Variants in SLC39A8 observed in about 807,000 individuals in gnomAD.
SLC39A8 encodes metal cation symporter ZIP8.
SLC39A8 carries 15 observed loss-of-function variants against 40.4 expected under a neutral mutation model. That is an observed-to-expected ratio of 0.37 (90% confidence interval 0.25 to 0.57). The LOEUF (loss-of-function observed/expected upper bound fraction) is 0.57, where lower values mean the gene tolerates loss of function less well. SLC39A8 is among the 20% of genes least tolerant of loss of function. The pLI, the probability that SLC39A8 is intolerant of heterozygous loss-of-function variation, is 0.75. For missense variants in SLC39A8, 472 were observed against 558.8 expected, an observed-to-expected ratio of 0.84 and a Z score of 1.57; for synonymous variants, 223 against 221.6, an observed-to-expected ratio of 1.01 and a Z score of -0.06.
In SLC39A8 at chr4:102,262,805, G is replaced by T; in HGVS notation, c.*239C>A. The T allele has an allele frequency of 1.6e-6, 2 of 1,248,316 alleles. No individual in the cohort carries two copies. Among genetic ancestry groups the T allele is most frequent in the South Asian group, 2.5e-5 (1 of 40,174 alleles). The allele number at this position is 1,248,316 out of a possible 1,614,324, so 77.3% of individuals were successfully genotyped here. On this transcript the variant is annotated 3_prime_UTR_variant, in exon 9 of 9. Coordinates refer to ENST00000356736, the MANE Select transcript of SLC39A8 (RefSeq NM_001135146.2). Reference sequence around the variant, plus strand: ...ATATGCATGGAATACTGAAAAATAGGTATTTCCCAAAGGCTCCTATATACC... The same window carrying T: ...ATATGCATGGAATACTGAAAAATAGTTATTTCCCAAAGGCTCCTATATACC...
At chr4:102,307,391 C>A in intron 4 of SLC39A8, 45 bp downstream of exon 4, 1 of 1,597,464 alleles carries the variant, frequency 6.3e-7, no homozygotes, top group South Asian at 1.1e-5. Flanking sequence ...CTAAAACGTT[C>A]AAAAGAAACA....
In SLC39A8 at chr4:102,344,601, A is replaced by C. The variant is rs2149060330; in HGVS notation, c.62T>G (p.Val21Gly). 6.5e-7 allele frequency: 1 copy of C among 1,541,768 alleles called. No homozygotes were observed. The highest frequency in any genetic ancestry group is 8.7e-7 in the Non-Finnish European group (1 of 1,144,124). Reference sequence around the variant, plus strand: ...GAAGGCTAGCCCTGGCCCCTCCGCCACTCCTCCGAGGCCGGCGGCCGCCAG... The same window carrying C: ...GAAGGCTAGCCCTGGCCCCTCCGCCCCTCCTCCGAGGCCGGCGGCCGCCAG... Reference protein sequence around the residue: ...LLLAAAGLGGVAEGPGLAFSE... With the variant: ...LLLAAAGLGGGAEGPGLAFSE... The change falls in exon 2 of 9, where the codon GTG (valine) becomes GGG (glycine). Residue 21 changes from valine to glycine, a missense_variant. Around this residue, in one of 4 missense-constraint regions of SLC39A8, gnomAD observed 175 missense variants for 160.5 expected, o/e 1.09. Coordinates refer to ENST00000356736, the MANE Select transcript of SLC39A8 (RefSeq NM_001135146.2).
At chr4:102,320,231 ATATATATATGAGAATATATATATGAG>A (rs1560561010) in intron 2 of SLC39A8, among the ~76,000 whole-genome samples, 1 of 134,598 alleles carries the variant, frequency 7.4e-6, no homozygotes, top group African/African-American at 2.9e-5. Context: ...ATGTATGAGT[ATATATATATGAGAATATATATATGAG>A]TATATATATG....
At chr4:102,321,653 A>G (rs1734972983) in intron 2 of SLC39A8, among the ~76,000 whole-genome samples, 1 of 152,192 alleles carries the variant, frequency 6.6e-6, no homozygotes, top group African/African-American at 2.4e-5. Context: ...GTTCTGCAAC[A>G]CTGTGATTAG....
intron 6 of SLC39A8, among the ~76,000 whole-genome samples, chr4:102,280,615 G>C (rs1732828811): frequency 6.6e-6 from 1 of 152,140 alleles, no homozygotes; most frequent in Non-Finnish European, 1.5e-5. Flanking sequence ...TGAAAAGTCA[G>C]CTAACTACCA....
At chr4:102,270,880 A>G (rs1019437394) in intron 6 of SLC39A8, among the ~76,000 whole-genome samples, 2 of 152,222 alleles carry the variant, frequency 1.3e-5, no homozygotes, top group African/African-American at 2.4e-5. Context: ...GGCAAAAAAC[A>G]AAATTTTTTT....
At chr4:102,312,807 G>A (rs1734489483) in intron 3 of SLC39A8, among the ~76,000 whole-genome samples, 1 of 152,098 alleles carries the variant, frequency 6.6e-6, no homozygotes, top group South Asian at 2.1e-4. Flanking sequence ...AGATGAGGAA[G>A]CTGAGGCAGG....
chr4:102,309,939 C>T (rs1467949924), intron 3 of SLC39A8, among the ~76,000 whole-genome samples: 1 of 152,066 alleles, frequency 6.6e-6, no homozygotes, highest in Non-Finnish European at 1.5e-5. Flanking sequence ...TCACCTCTCA[C>T]TCCCTCATCT....
At chr4:102,310,244 G>A (rs1403156813) in intron 3 of SLC39A8, among the ~76,000 whole-genome samples, 1 of 152,018 alleles carries the variant, frequency 6.6e-6, no homozygotes, top group Non-Finnish European at 1.5e-5. Context: ...CCAACACAAA[G>A]ATCTCCTCTA....
chr4:102,262,415 GC>G lies in SLC39A8; in HGVS notation c.*628del, dbSNP rs770210421. The G allele has an allele frequency of 6.2e-5, 61 of 985,450 alleles. No individual in the cohort carries two copies. In the South Asian group the frequency reaches 6.6e-4, roughly 11 times the overall value. The allele number at this position is 985,450 out of a possible 1,614,324, so 61.0% of individuals were successfully genotyped here. Reference sequence around the variant, plus strand: ...TCTAAGCCTGAACTTAGCAGGGCTAGCAAAACTTTATTTATTTCCTAACTCC... The same window carrying G: ...TCTAAGCCTGAACTTAGCAGGGCTAGAAAACTTTATTTATTTCCTAACTCC... On this transcript the variant is annotated 3_prime_UTR_variant, in exon 9 of 9. Coordinates refer to ENST00000356736, the MANE Select transcript of SLC39A8 (RefSeq NM_001135146.2).
rs1578638340 is a variant in SLC39A8 at position 102,344,852 on chromosome 4, T to C, written c.-190A>G. The C allele has an allele frequency of 3.0e-6, 4 of 1,315,132 alleles. No individual in the cohort carries two copies. The highest frequency in any genetic ancestry group is 2.9e-6 in the Non-Finnish European group (3 of 1,037,696). 81.5% of individuals were successfully genotyped at this position (1,315,132 alleles called of 1,614,324 possible). On this transcript the variant is annotated 5_prime_UTR_variant, in exon 2 of 9. It removes an upstream start codon present in the reference 5' UTR. Transcript: ENST00000356736. The stretch of plus-strand genomic sequence containing the variant: ...ACAGCAGCTCGCGACCTGCGGGGCA[T>C]TGAAGTGGCAGCGTAGCCGAGGGGA...
intron 6 of SLC39A8, among the ~76,000 whole-genome samples, chr4:102,278,037 A>T (rs1221235208): frequency 6.6e-6 from 1 of 152,266 alleles, no homozygotes; most frequent in Non-Finnish European, 1.5e-5. Flanking sequence ...GAAACCCTAG[A>T]AGGAAACCTA....
In SLC39A8 at chr4:102,345,326, G is replaced by C. The variant is rs1736128505; in HGVS notation, c.-254+19C>G. 1 of 152,632 alleles carries C rather than the reference G, an allele frequency of 6.6e-6. No homozygotes were observed. Among genetic ancestry groups the C allele is most frequent in the African/African-American group, 2.4e-5 (1 of 41,466 alleles). 9.5% of individuals were successfully genotyped at this position (152,632 alleles called of 1,614,324 possible). A position where few individuals can be genotyped will look rare whatever the true frequency, so the allele number is the denominator to read the frequency against. ...TCTGAGCTTGGCAAGTTAATCGGAA[G>C]CACTCGCTGGCCTCTCACCTCTCCT... is the stretch of plus-strand genomic sequence containing the variant. On this transcript the variant is annotated intron_variant, in intron 1 of 8. Coordinates refer to ENST00000356736, the MANE Select transcript of SLC39A8 (RefSeq NM_001135146.2).
In SLC39A8 at chr4:102,305,079, A is replaced by C. The variant is rs758610801; in HGVS notation, c.585T>G (p.Tyr195Ter). The change falls in exon 5 of 9, where the codon TAT becomes TAG. Residue 195 changes from tyrosine to a stop codon, truncating the protein, a stop_gained. Coordinates refer to ENST00000356736, the MANE Select transcript of SLC39A8 (RefSeq NM_001135146.2). LOFTEE classifies it high-confidence loss of function. ...AFGFDPKVDS[Y>*]VEKAVAVFGG... is the part of the protein sequence containing the mutation. ...CAAACACAGCAACTGCCTTCTCAAC[A>C]TAACTGTCGACTTTGGGATCAAATC... 1 of 1,610,006 alleles carries C rather than the reference A, an allele frequency of 6.2e-7. No homozygotes were observed. Among genetic ancestry groups the C allele is most frequent in the African/African-American group, 1.3e-5 (1 of 74,702 alleles).
exon 12 of SLC39A8, chr4:102,251,167 A>G (rs939091393): frequency 6.6e-6 from 1 of 152,236 alleles, no homozygotes; most frequent in Non-Finnish European, 1.5e-5. Context: ...GATTAAGGTT[A>G]TTAGCATATC....
At chr4:102,287,778 A>G (rs1342768708) in intron 6 of SLC39A8, among the ~76,000 whole-genome samples, 1 of 152,178 alleles carries the variant, frequency 6.6e-6, no homozygotes, top group Admixed American at 6.6e-5. Context: ...AAGCATACAA[A>G]TCAGGAAGTA....
chr4:102,272,842 G>T (rs1732431951), intron 6 of SLC39A8, among the ~76,000 whole-genome samples: 1 of 152,036 alleles, frequency 6.6e-6, no homozygotes, highest in African/African-American at 2.4e-5. Flanking sequence ...AGTGCAAGGA[G>T]CCGGGGACCT....
exon 12 of SLC39A8, chr4:102,251,787 A>G (rs969216901): frequency 1.3e-5 from 2 of 152,212 alleles, no homozygotes; most frequent in African/African-American, 2.4e-5. Context: ...CTCAGTTCCA[A>G]TTTCTCATCA....
intron 3 of SLC39A8, 61 bp downstream of exon 3, chr4:102,315,607 C>G: frequency 6.9e-7 from 1 of 1,451,664 alleles, no homozygotes; most frequent in Non-Finnish European, 9.2e-7. Context: ...GGCATATTAA[C>G]TTCATTTCAC....
Sources: allele counts gnomAD v4.1 joint callset (sites outside exome capture counted in the v4.1 genomes callset), GRCh38; gene constraint gnomAD v4.1.1; regional missense constraint gnomAD v4.1.1; transcripts MANE v1.5; gene names NCBI Gene and HGNC (gene_info 2026-07-23, HGNC 2026-07-21).